The following AP1S3 variants were observed in gnomAD, a reference collection of about 807,000 sequenced individuals.
AP1S3 encodes the protein adaptor related protein complex 1 subunit sigma 3.
AP1S3 carries 10 observed loss-of-function variants against 20.9 expected under a neutral mutation model. The ratio of observed to expected loss-of-function variants is 0.48; its 90% CI spans 0.29 to 0.81. The LOEUF (loss-of-function observed/expected upper bound fraction) is 0.81, where lower values mean the gene tolerates loss of function less well. Ranked by LOEUF, AP1S3 falls within the 30% of genes least tolerant of loss-of-function variation. The pLI is 0.08. For missense variants in AP1S3, 154 were observed against 183.8 expected (o/e 0.84, Z 0.94); for synonymous variants, 41 against 61.5 (o/e 0.67, Z 1.56).
At chr2:223,765,394 T>C (rs1690452486) in intron 3 of AP1S3, 44 bp from the exon 4 acceptor site, 4 of 1,574,534 alleles carry the variant, frequency 2.5e-6, no homozygotes, top group Middle Eastern at 1.7e-4. Flanking sequence ...TGCAGTTGTA[T>C]CAGGGGAAAC....
rs1690829685 is a variant in AP1S3, at chr2:223,777,947, G to A, written c.4-78C>T. 5 of 1,279,628 alleles carry A rather than the reference G, an allele frequency of 3.9e-6. No individual in the cohort carries two copies. In the Admixed American group the frequency reaches 7.0e-5, roughly 18 times the overall value. 79.3% of individuals were successfully genotyped at this position (1,279,628 alleles called of 1,614,324 possible). A position where few individuals can be genotyped will look rare whatever the true frequency, so the allele number is the denominator to read the frequency against. On this transcript the variant is annotated intron_variant, in intron 1 of 4. Coordinates refer to ENST00000396654, the MANE Select transcript of AP1S3 (RefSeq NM_001039569.2). ...TTCTGCAAAGACACTGAAATTCAAT[G>A]ATGGATTTACACAGAAAGATAATTC...
At chr2:223,817,533 G>A (rs1275377877) in intron 1 of AP1S3, among the ~76,000 whole-genome samples, 7 of 150,666 alleles carry the variant, frequency 4.6e-5, no homozygotes, top group East Asian at 2.0e-4. Flanking sequence ...GCTTGAACCC[G>A]GGAGGTGGAG....
chr2:223,813,056 G>A (rs2106119935), intron 1 of AP1S3, among the ~76,000 whole-genome samples: 2 of 151,976 alleles, frequency 1.3e-5, no homozygotes, highest in South Asian at 4.2e-4. Context: ...AGCCTCCCAA[G>A]TAGCTAGGAT....
chr2:223,806,863 A>G (rs1408964469), intron 1 of AP1S3, among the ~76,000 whole-genome samples: 1 of 152,104 alleles, frequency 6.6e-6, no homozygotes, highest in Non-Finnish European at 1.5e-5. Flanking sequence ...GCTCTCCCAG[A>G]GCATAATTTC....
At chr2:223,775,860 G>A in intron 3 of AP1S3, 41 bp downstream of exon 3, 1 of 1,454,792 alleles carries the variant, frequency 6.9e-7, no homozygotes, top group Non-Finnish European at 9.6e-7. Context: ...GAGCTGAGAT[G>A]GGGACTGTAG....
At chr2:223,808,442 G>C (rs1175253480) in intron 1 of AP1S3, among the ~76,000 whole-genome samples, 4 of 151,992 alleles carry the variant, frequency 2.6e-5, no homozygotes, top group Non-Finnish European at 4.4e-5. Flanking sequence ...GTATTTTTTT[G>C]GTCAATCCAT....
intron 1 of AP1S3, among the ~76,000 whole-genome samples, chr2:223,833,241 A>AATAC (rs56906676): frequency 0.058 from 8,679 of 148,482 alleles, 454 homozygotes; most frequent in African/African-American, 0.14. Context: ...TTAAAGGCAA[A>AATAC]ATACATACAT....
chr2:223,780,357 A>AGTGTGTGTGTGTGT (rs57103665), intron 1 of AP1S3, among the ~76,000 whole-genome samples: 12 of 44,440 alleles, frequency 2.7e-4, no homozygotes, highest in East Asian at 1.2e-3. Context: ...AGAGAGAGAG[A>AGTGTGTGTGTGTGT]GTGTGTGTGT....
intron 1 of AP1S3, among the ~76,000 whole-genome samples, chr2:223,783,024 C>T (rs1197779511): frequency 2.0e-5 from 3 of 151,990 alleles, no homozygotes; most frequent in African/African-American, 7.3e-5. Flanking sequence ...GATTAATATT[C>T]GCTTGAGAGT....
At chr2:223,823,672 A>T (rs1692048617) in intron 1 of AP1S3, among the ~76,000 whole-genome samples, 1 of 152,234 alleles carries the variant, frequency 6.6e-6, no homozygotes, top group Non-Finnish European at 1.5e-5. Flanking sequence ...GCTCTATGGT[A>T]CAACATGGTG....
chr2:223,836,352 C>T (rs1489802820), intron 1 of AP1S3, among the ~76,000 whole-genome samples: 2 of 152,222 alleles, frequency 1.3e-5, no homozygotes, highest in Non-Finnish European at 2.9e-5. Context: ...GTCACCAGAT[C>T]TCTCATCAGC....
chr2:223,835,262 A>C lies in AP1S3; in HGVS notation c.3+2186T>G, dbSNP rs1007555891. Among the ~76,000 whole-genome samples, 10 of 152,376 alleles carry C rather than the reference A, an allele frequency of 6.6e-5. No individual in the cohort carries two copies. In the East Asian group the frequency reaches 1.5e-3, roughly 23 times the overall value. On this transcript the variant is annotated intron_variant, in intron 1 of 4. Coordinates refer to ENST00000396654, the MANE Select transcript of AP1S3 (RefSeq NM_001039569.2). ...TCAGAGTAGCTAAAATGCAATGAGCATAACAGATTTAACCTCAATTGTTTG... is the reference window on the plus strand; with the variant it reads ...TCAGAGTAGCTAAAATGCAATGAGCCTAACAGATTTAACCTCAATTGTTTG...
chr2:223,779,396 G>C (rs1690869282), intron 1 of AP1S3, among the ~76,000 whole-genome samples: 1 of 152,116 alleles, frequency 6.6e-6, no homozygotes, highest in Admixed American at 6.6e-5. Flanking sequence ...TAAAGGCTCT[G>C]TTAGAATGTT....
Position 223,797,436 on chromosome 2 carries a change from T to C in AP1S3, c.4-19567A>G, listed in dbSNP as rs900725017. On this transcript the variant is annotated intron_variant, in intron 1 of 4. Transcript: ENST00000396654. Reference sequence around the variant, plus strand: ...GAAATCTGGATGATTAGGTGAAATATTGGAGTTGTCTTAACGTTGTCAATT... The same window carrying C: ...GAAATCTGGATGATTAGGTGAAATACTGGAGTTGTCTTAACGTTGTCAATT... 4.6e-5 allele frequency among the ~76,000 whole-genome samples: 7 copies of C among 152,128 alleles called. No individual in the cohort carries two copies. The South Asian group carries it at 6.2e-4, about 14-fold the overall frequency.
In AP1S3 at chr2:223,837,561, G is replaced by T; in HGVS notation, c.-111C>A. ...GCTGACAGGTGAGGCGCCCGGCTTA[G>T]ACCATGGCTGCTTCCCACAATGCCC... On this transcript the variant is annotated 5_prime_UTR_variant, in exon 1 of 5. Transcript: ENST00000396654. 1 of 635,346 alleles carries T rather than the reference G, an allele frequency of 1.6e-6. No homozygotes were observed. The highest frequency in any genetic ancestry group is 6.2e-5 in the South Asian group (1 of 16,020). The allele number at this position is 635,346 out of a possible 1,614,324, so 39.4% of individuals were successfully genotyped here.
At chr2:223,769,835 C>G (rs1690570165) in intron 3 of AP1S3, among the ~76,000 whole-genome samples, 1 of 150,378 alleles carries the variant, frequency 6.6e-6, no homozygotes, top group Non-Finnish European at 1.5e-5. Context: ...GCTCCGCCCC[C>G]CGGGGTTCAC....
chr2:223,793,310 A>C (rs954130105), intron 1 of AP1S3, among the ~76,000 whole-genome samples: 1 of 152,204 alleles, frequency 6.6e-6, no homozygotes, highest in African/African-American at 2.4e-5. Context: ...TAGCAAAGAC[A>C]TGGAATCAAC....
intron 1 of AP1S3, among the ~76,000 whole-genome samples, chr2:223,831,106 A>G (rs2106041719): frequency 6.6e-6 from 1 of 152,132 alleles, no homozygotes; most frequent in East Asian, 1.9e-4. Context: ...CAGCCTCCCA[A>G]AGTGCTGGCA....
intron 1 of AP1S3, among the ~76,000 whole-genome samples, chr2:223,792,111 C>T (rs940440411): frequency 6.6e-6 from 1 of 152,158 alleles, no homozygotes; most frequent in Non-Finnish European, 1.5e-5. Context: ...TCCCATTAAA[C>T]TACCATTGAC....
Sources: allele counts gnomAD v4.1 joint callset (sites outside exome capture counted in the v4.1 genomes callset), GRCh38; gene constraint gnomAD v4.1.1; transcripts MANE v1.5; gene names NCBI Gene and HGNC (gene_info 2026-07-23, HGNC 2026-07-21).